Variants in ANO3 observed in about 807,000 individuals in gnomAD.
ANO3 encodes the protein anoctamin-3.
In ANO3, 99 loss-of-function variants were observed where a neutral mutation model predicts 144.8. The observed-to-expected ratio is 0.68, with a 90% CI of 0.58 to 0.81. The LOEUF (loss-of-function observed/expected upper bound fraction) is 0.81. Among genes scored for constraint, ANO3 ranks in the 30% least tolerant of loss-of-function variants. The pLI is 0.00. For missense variants in ANO3, 905 were observed against 1,202.2 expected, an observed-to-expected ratio of 0.75 and a Z score of 3.66; for synonymous variants, 414 against 392.6, an observed-to-expected ratio of 1.05 and a Z score of -0.64.
chr11:26,246,715 C>T (rs956103615), intron 1 of ANO3, among the ~76,000 whole-genome samples: 14 of 151,972 alleles, frequency 9.2e-5, no homozygotes, highest in South Asian at 8.3e-4. Context: ...GTGGCAGAGA[C>T]GTGGTGGGAG....
intron 1 of ANO3, among the ~76,000 whole-genome samples, chr11:26,380,969 G>T (rs1033571382): frequency 2.6e-5 from 4 of 152,014 alleles, no homozygotes; most frequent in Admixed American, 1.3e-4. Flanking sequence ...GTGACAGAGC[G>T]AGACTTCAAC....
At chr11:26,633,034 G>A (rs7938949) in intron 18 of ANO3, among the ~76,000 whole-genome samples, 90,142 of 151,932 alleles carry the variant, frequency 0.59, 28,879 homozygotes, top group East Asian at 0.82. Flanking sequence ...GGCAACTACC[G>A]CCTTTGGACT....
At chr11:26,359,059 ATTATC>A (rs1024280014) in intron 1 of ANO3, among the ~76,000 whole-genome samples, 1 of 152,170 alleles carries the variant, frequency 6.6e-6, no homozygotes, top group Admixed American at 6.5e-5. Flanking sequence ...ACTTTGATTA[ATTATC>A]TTGTCATTAG....
intron 1 of ANO3, among the ~76,000 whole-genome samples, chr11:26,415,678 A>C (rs979226889): frequency 1.3e-5 from 2 of 152,110 alleles, no homozygotes; most frequent in African/African-American, 4.8e-5. Context: ...TGTTTTGTGT[A>C]GCACACTGAA....
At chr11:26,235,698 C>G (rs1174764681) in intron 1 of ANO3, among the ~76,000 whole-genome samples, 2 of 151,242 alleles carry the variant, frequency 1.3e-5, no homozygotes. Context: ...TATTTTTCAC[C>G]ATCATTGTGA....
At chr11:26,548,157 T>C (rs1436183669) in intron 12 of ANO3, among the ~76,000 whole-genome samples, 2 of 146,002 alleles carry the variant, frequency 1.4e-5, no homozygotes, top group Non-Finnish European at 3.0e-5. Flanking sequence ...CAAATATTTA[T>C]AAATTTTACT....
chr11:26,245,018 T>TGTGCGTGC (rs1554928314), intron 1 of ANO3, among the ~76,000 whole-genome samples: 8 of 145,324 alleles, frequency 5.5e-5, no homozygotes, highest in African/African-American at 1.5e-4. Context: ...TGTGTGTGTG[T>TGTGCGTGC]GTGCATGCAT....
At chr11:26,468,564 T>G (rs995652928) in intron 4 of ANO3, among the ~76,000 whole-genome samples, 1 of 151,984 alleles carries the variant, frequency 6.6e-6, no homozygotes, top group Non-Finnish European at 1.5e-5. Flanking sequence ...GAGACACTGG[T>G]CATATGATGG....
intron 26 of ANO3, among the ~76,000 whole-genome samples, chr11:26,657,315 G>A (rs1853719369): frequency 6.6e-6 from 1 of 152,046 alleles, no homozygotes; most frequent in Non-Finnish European, 1.5e-5. Context: ...ACCCCTAAGG[G>A]TATCATCGAG....
intron 1 of ANO3, among the ~76,000 whole-genome samples, chr11:26,217,547 T>C (rs1852058658): frequency 2.0e-5 from 3 of 152,062 alleles, no homozygotes; most frequent in Non-Finnish European, 2.9e-5. Flanking sequence ...ATCTTAGACA[T>C]GTTTTACATA....
chr11:26,473,568 C>T (rs1200642355), intron 4 of ANO3, among the ~76,000 whole-genome samples: 2 of 151,798 alleles, frequency 1.3e-5, no homozygotes, highest in African/African-American at 4.8e-5. Context: ...TCCTGGTGAA[C>T]TCCACTCCGC....
At chr11:26,618,538 G>A (rs1852325306) in intron 17 of ANO3, among the ~76,000 whole-genome samples, 2 of 152,176 alleles carry the variant, frequency 1.3e-5, no homozygotes, top group African/African-American at 2.4e-5. Context: ...AATAGTAAAC[G>A]TGCTTGTCAT....
chr11:26,255,528 C>T (rs891041458), intron 1 of ANO3, among the ~76,000 whole-genome samples: 2 of 152,050 alleles, frequency 1.3e-5, no homozygotes, highest in Admixed American at 1.3e-4. Context: ...GATAGTACTA[C>T]CTTTAATTTA....
Position 26,404,037 on chromosome 11 carries a change from G to A in ANO3, c.47-37881G>A, listed in dbSNP as rs75847608. On this transcript the variant is annotated intron_variant, in intron 1 of 26. Transcript: ENST00000256737. ...TGCCATGCTTTTTGTCTTTTTTTCC[G>A]AATGCTTTTAAATGCCTTACATTGC... 8.1e-4 allele frequency among the ~76,000 whole-genome samples: 122 copies of A among 151,418 alleles called. 1 individual carries two copies. Among genetic ancestry groups the A allele is most frequent in the African/African-American group, 2.7e-3 (112 of 41,320 alleles).
intron 3 of ANO3, among the ~76,000 whole-genome samples, chr11:26,444,061 A>T (rs185793305): frequency 1.3e-5 from 2 of 152,318 alleles, no homozygotes; most frequent in Admixed American, 1.3e-4. Flanking sequence ...AATAACAAAT[A>T]ACAATTTTTG....
upstream of ANO3, among the ~76,000 whole-genome samples, chr11:26,306,871 C>T (rs993463953): frequency 8.5e-6 from 1 of 118,334 alleles, no homozygotes; most frequent in African/African-American, 3.6e-5. Flanking sequence ...TACTTTCTAG[C>T]CAACTGGGTA....
intron 17 of ANO3, among the ~76,000 whole-genome samples, chr11:26,623,994 G>A (rs1410515291): frequency 2.0e-5 from 3 of 151,854 alleles, no homozygotes; most frequent in Admixed American, 6.6e-5. Flanking sequence ...CACCCTGTTA[G>A]CCAGGATGGT....
chr11:26,586,269 C>T (rs1851272163), intron 14 of ANO3, among the ~76,000 whole-genome samples: 1 of 151,630 alleles, frequency 6.6e-6, no homozygotes, highest in African/African-American at 2.4e-5. Flanking sequence ...GTAAATCCCC[C>T]TGATTCAGTT....
At position 26,451,974 on chromosome 11, in the gene ANO3, C is replaced by T. The variant is rs553735275; in HGVS notation, c.313+8138C>T. Among the ~76,000 whole-genome samples the T allele has an allele frequency of 5.7e-4, 87 of 152,288 alleles. No homozygotes were observed. The East Asian group carries it at 6.4e-3, about 11-fold the overall frequency. On this transcript the variant is annotated intron_variant, in intron 3 of 26. Coordinates refer to ENST00000256737, the MANE Select transcript of ANO3 (RefSeq NM_031418.4). Reference sequence around the variant, plus strand: ...ACACCGCTGCTGATACCCAGGCAAACAGGGTCTGGAGTGGACCTCTAGCAA... The same window carrying T: ...ACACCGCTGCTGATACCCAGGCAAATAGGGTCTGGAGTGGACCTCTAGCAA...
Sources: gnomAD v4.1 joint callset for allele counts (sites outside exome capture counted in the v4.1 genomes callset) on GRCh38, gnomAD v4.1.1 for gene constraint, MANE v1.5 for transcripts, NCBI Gene and HGNC (gene_info 2026-07-23, HGNC 2026-07-21) for gene names.